PPCS: variants seen among roughly 807,000 people sequenced by gnomAD.
PPCS encodes phosphopantothenoylcysteine synthetase.
A neutral mutation model predicts 24.6 loss-of-function variants in PPCS; 17 were observed. The ratio of observed to expected loss-of-function variants is 0.69; its 90% CI spans 0.47 to 1.04. PPCS has a LOEUF of 1.04. PPCS is among the 50% of genes least tolerant of loss of function. The probability of loss-of-function intolerance (pLI) is 0.00; values close to 1 mark genes in which losing one functional copy is unlikely to be tolerated. For missense variants in PPCS, 360 were observed against 402.8 expected, an observed-to-expected ratio of 0.89 and a Z score of 0.91; for synonymous variants, 190 against 168.3, an observed-to-expected ratio of 1.13 and a Z score of -1.00.
At chr1:42,467,247 G>A (rs1224646440) in intron 2 of PPCS, among the ~76,000 whole-genome samples, 1 of 152,218 alleles carries the variant, frequency 6.6e-6, no homozygotes, top group Non-Finnish European at 1.5e-5. Flanking sequence ...CAAGTGATTT[G>A]CATTCAGGAG....
chr1:42,457,096 T>G lies in PPCS; in HGVS notation c.508+23T>G, dbSNP rs375987611. ...TAGGTGCGTGCCCTAGGAGTACCCC[T>G]TTTGCCTGGAAGCACAGCCTTTCTT... is the stretch of plus-strand genomic sequence containing the variant. On this transcript the variant is annotated intron_variant, in intron 1 of 2. Transcript: ENST00000372561. The G allele has an allele frequency of 1.1e-3, 1,659 of 1,577,746 alleles. 4 individuals are homozygous for G. Among genetic ancestry groups the G allele is most frequent in the Non-Finnish European group, 1.2e-3 (1,398 of 1,165,066 alleles).
In PPCS at chr1:42,456,787, A is replaced by G; in HGVS notation, c.222A>G (p.Leu74=). The part of the protein sequence containing the change: ...RRGATSAEAF[L]AAGYGVLFLY... ...GTGCAACCTCGGCCGAGGCCTTCCT[A>G]GCCGCCGGCTACGGGGTCCTGTTCT... is the stretch of plus-strand genomic sequence containing the variant. Residue 74 remains leucine, a synonymous_variant, in exon 1 of 3, where the codon CTA becomes CTG. Coordinates refer to ENST00000372561, the MANE Select transcript of PPCS (RefSeq NM_024664.4). The G allele has an allele frequency of 6.2e-7, 1 of 1,613,092 alleles. No individual in the cohort carries two copies. The highest frequency in any genetic ancestry group is 8.5e-7 in the Non-Finnish European group (1 of 1,179,992).
rs1320998873 is a variant in PPCS, at chr1:42,459,840, G to A, written c.850G>A (p.Glu284Lys). ...SETKLLLSEE[E>K]IEKGVEIEEK... ...AACCAAGTTATTGCTATCAGAGGAA[G>A]AAATAGAAAAAGGCGTAGAGATAGA... The change falls in exon 3 of 3, where the codon GAA becomes AAA. Residue 284 changes from glutamate to lysine, a missense_variant. Physicochemically the swap from Glu to Lys is moderately conservative, Grantham distance 56 (BLOSUM62 1). Transcript: ENST00000372561. The A allele has an allele frequency of 1.2e-6, 2 of 1,614,134 alleles. No individual in the cohort carries two copies. Among genetic ancestry groups the A allele is most frequent in the Non-Finnish European group, 1.7e-6 (2 of 1,180,010 alleles).
chr1:42,457,204 C>T, intron 1 of PPCS, 43 bp from the exon 2 acceptor site: 4 of 1,611,916 alleles, frequency 2.5e-6, no homozygotes, highest in Non-Finnish European at 2.5e-6. Context: ...GATCCTATAT[C>T]GTACCTCGCC....
Position 42,460,195 on chromosome 1 carries a change from C to T in PPCS, c.*269C>T, listed in dbSNP as rs2148422346. 8.8e-7 allele frequency: 1 copy of T among 1,139,996 alleles called. No homozygotes were observed. 70.6% of individuals were successfully genotyped at this position (1,139,996 alleles called of 1,614,324 possible). ...ATATTCCTTAAAATATACATGGGGGCCTGAATGTCAGCCATCTTTATACTA... is the reference window on the plus strand; with the variant it reads ...ATATTCCTTAAAATATACATGGGGGTCTGAATGTCAGCCATCTTTATACTA... On this transcript the variant is annotated 3_prime_UTR_variant, in exon 3 of 3. Transcript: ENST00000372561.
exon 3 of PPCS, chr1:42,473,181 T>G (rs551655057): frequency 4.1e-4 from 510 of 1,230,938 alleles, no homozygotes; most frequent in Non-Finnish European, 5.1e-4. Context: ...TCAATCCCCT[T>G]GCTACTACAG....
downstream of PPCS, among the ~76,000 whole-genome samples, chr1:42,464,425 A>G (rs2148428113): frequency 6.6e-6 from 1 of 152,244 alleles, no homozygotes; most frequent in South Asian, 2.1e-4. Context: ...GCCCATATGA[A>G]CCCAACACTG....
At chr1:42,461,550 CTTT>C (rs34955190), downstream of PPCS, among the ~76,000 whole-genome samples, 3 of 140,558 alleles carry the variant, frequency 2.1e-5, no homozygotes, top group South Asian at 2.3e-4. Flanking sequence ...TACCCAGGCT[CTTT>C]TTTTTTTTTT....
chr1:42,462,372 G>A (rs766592695), downstream of PPCS, among the ~76,000 whole-genome samples: 7 of 152,162 alleles, frequency 4.6e-5, no homozygotes, highest in Non-Finnish European at 1.0e-4. Context: ...ATAAACAGGA[G>A]TGAAGTGGGC....
At chr1:42,470,852 A>G (rs913324679) in intron 2 of PPCS, among the ~76,000 whole-genome samples, 1 of 152,226 alleles carries the variant, frequency 6.6e-6, no homozygotes, top group Admixed American at 6.5e-5. Flanking sequence ...TCTGTTTGGC[A>G]TAATGAAAAA....
At chr1:42,458,490 GA>G (rs1224139613) in intron 2 of PPCS, among the ~76,000 whole-genome samples, 1 of 152,204 alleles carries the variant, frequency 6.6e-6, no homozygotes, top group Non-Finnish European at 1.5e-5. Flanking sequence ...AGGACTTAGA[GA>G]TGAAAGCAGT....
intron 2 of PPCS, among the ~76,000 whole-genome samples, chr1:42,472,171 T>G (rs113261346): frequency 0.14 from 21,033 of 152,064 alleles, 1,591 homozygotes; most frequent in East Asian, 0.19. Context: ...GGAGAATCAC[T>G]TGAACCCAGG....
At position 42,456,558 on chromosome 1, in the gene PPCS, C is replaced by G. The variant is rs768841542; in HGVS notation, c.-8C>G. On this transcript the variant is annotated 5_prime_UTR_variant, in exon 1 of 3. Transcript: ENST00000372561. Reference sequence around the variant, plus strand: ...AAACGTGCGCAGGCGCCGGCCGCTGCGCTGCAGATGGCGGAAATGGATCCG... The same window carrying G: ...AAACGTGCGCAGGCGCCGGCCGCTGGGCTGCAGATGGCGGAAATGGATCCG... 4 of 1,465,056 alleles carry G rather than the reference C, an allele frequency of 2.7e-6. No individual in the cohort carries two copies. Among genetic ancestry groups the G allele is most frequent in the South Asian group, 1.4e-5 (1 of 71,074 alleles). 90.8% of individuals were successfully genotyped at this position (1,465,056 alleles called of 1,614,324 possible).
chr1:42,463,893 C>T (rs1256332773), downstream of PPCS: 1 of 152,206 alleles, frequency 6.6e-6, no homozygotes, highest in East Asian at 1.9e-4. Flanking sequence ...CATCAGAGGT[C>T]ATGAAGTCAG....
chr1:42,457,056 A>G lies in PPCS; in HGVS notation c.491A>G (p.Gln164Arg), dbSNP rs771539963. 6.3e-7 allele frequency: 1 copy of G among 1,598,210 alleles called. No individual in the cohort carries two copies. The highest frequency in any genetic ancestry group is 2.2e-5 in the East Asian group (1 of 44,812). Residue 164 changes from glutamine to arginine, a missense_variant, in exon 1 of 3, where the codon CAG becomes CGG. Physicochemically the swap from Gln to Arg is conservative, Grantham distance 43. Transcript: ENST00000372561. The part of the protein sequence containing the change: ...DYLHLLQAAA[Q>R]ALNPLGPSAM... ...TTGCATCTGTTGCAGGCTGCGGCCC[A>G]GGCACTCAATCCGCTAGGTGCGTGC...
chr1:42,463,781 C>A (rs940464018), downstream of PPCS: 4 of 152,076 alleles, frequency 2.6e-5, no homozygotes, highest in African/African-American at 9.7e-5. Context: ...TACGTGTAGG[C>A]CCGCGAACAA....
chr1:42,469,481 A>G (rs1279773851), intron 2 of PPCS, among the ~76,000 whole-genome samples: 2 of 152,236 alleles, frequency 1.3e-5, no homozygotes, highest in African/African-American at 4.8e-5. Flanking sequence ...AAAACAGGAC[A>G]GTAGCTAGAG....
downstream of PPCS, chr1:42,464,167 T>C (rs1643494606): frequency 6.6e-6 from 1 of 152,192 alleles, no homozygotes; most frequent in Non-Finnish European, 1.5e-5. Context: ...CTTTGCACTA[T>C]GGCAACCTTT....
rs945583066 is a variant in PPCS, at chr1:42,457,456, A to G, written c.612+106A>G. 6 of 955,182 alleles carry G rather than the reference A, an allele frequency of 6.3e-6. No individual in the cohort carries two copies. In the African/African-American group the frequency reaches 6.5e-5, roughly 10 times the overall value. 59.2% of individuals were successfully genotyped at this position (955,182 alleles called of 1,614,324 possible). ...TTCTGCATCTGTATTCGCTAGGCAC[A>G]GGGGATACAGAGATGAATAAGACAC... On this transcript the variant is annotated intron_variant, in intron 2 of 2. Transcript: ENST00000372561.
Sources: gnomAD v4.1 joint callset for allele counts (sites outside exome capture counted in the v4.1 genomes callset) on GRCh38, gnomAD v4.1.1 for gene constraint, MANE v1.5 for transcripts, NCBI Gene and HGNC (gene_info 2026-07-23, HGNC 2026-07-21) for gene names.